CNTNAP4: variants seen among roughly 807,000 people sequenced by gnomAD.
The protein encoded by CNTNAP4 is contactin associated protein family member 4.
Under a neutral mutation model 148.4 loss-of-function variants are expected in CNTNAP4, and 98 were observed. The observed-to-expected ratio is 0.66, with a 90% CI of 0.56 to 0.78. CNTNAP4 has a LOEUF of 0.78. Ranked by LOEUF, CNTNAP4 falls within the 30% of genes least tolerant of loss-of-function variation. CNTNAP4 has a pLI of 0.00. For missense variants in CNTNAP4, 1,935 were observed against 1,565.6 expected, an observed-to-expected ratio of 1.24 and a Z score of -3.98; for synonymous variants, 730 against 565.1, an observed-to-expected ratio of 1.29 and a Z score of -4.14.
chr16:76,518,112 A>G (rs556139064), intron 15 of CNTNAP4, among the ~76,000 whole-genome samples: 1 of 152,080 alleles, frequency 6.6e-6, no homozygotes, highest in Admixed American at 6.5e-5. Flanking sequence ...TAGGGTTTCT[A>G]GAAAATTATT....
chr16:76,366,576 C>G (rs1597334139), intron 3 of CNTNAP4, among the ~76,000 whole-genome samples: 1 of 152,126 alleles, frequency 6.6e-6, no homozygotes, highest in Admixed American at 6.5e-5. Flanking sequence ...GCTATTGTGA[C>G]TAGTGCTGCA....
chr16:76,471,092 GCAAACACACA>G (rs1002668100), intron 10 of CNTNAP4, among the ~76,000 whole-genome samples: 7 of 151,734 alleles, frequency 4.6e-5, no homozygotes, highest in African/African-American at 1.7e-4. Flanking sequence ...CACTCCCTAC[GCAAACACACA>G]CAAACACACA....
At chr16:76,290,666 A>C (rs1040812126) in intron 1 of CNTNAP4, among the ~76,000 whole-genome samples, 1 of 152,194 alleles carries the variant, frequency 6.6e-6, no homozygotes, top group Non-Finnish European at 1.5e-5. Context: ...GCAAGATTGC[A>C]GCACTGCCTG....
At position 76,510,433 on chromosome 16, in the gene CNTNAP4, A is replaced by T. The variant is rs544641487; in HGVS notation, c.2366-10707A>T. On this transcript the variant is annotated intron_variant, in intron 15 of 23. Coordinates refer to ENST00000611870, the MANE Select transcript of CNTNAP4 (RefSeq NM_033401.5). ...CATTTGGGCTGGATCCACTTTTTGG[A>T]TATTATGATAAGGCTTCTGTGGACA... is the stretch of plus-strand genomic sequence containing the variant. 2.6e-5 allele frequency among the ~76,000 whole-genome samples: 4 copies of T among 151,456 alleles called. No individual in the cohort carries two copies. In the East Asian group the frequency reaches 7.8e-4, roughly 30 times the overall value.
At chr16:76,546,403 G>A (rs2084735952) in intron 21 of CNTNAP4, among the ~76,000 whole-genome samples, 1 of 152,174 alleles carries the variant, frequency 6.6e-6, no homozygotes, top group African/African-American at 2.4e-5. Flanking sequence ...CCTCCTGTCA[G>A]ATCAGCCACA....
chr16:76,537,805 T>C (rs1597101290), intron 18 of CNTNAP4, among the ~76,000 whole-genome samples: 2 of 152,174 alleles, frequency 1.3e-5, no homozygotes, highest in South Asian at 4.1e-4. Context: ...GGAGTTAAAA[T>C]TTAAATAAAA....
intron 3 of CNTNAP4, among the ~76,000 whole-genome samples, chr16:76,423,664 T>C (rs1444311108): frequency 6.6e-6 from 1 of 152,178 alleles, no homozygotes; most frequent in African/African-American, 2.4e-5. Context: ...TATAGCATCA[T>C]ATGCATCATT....
At chr16:76,420,279 A>ATATTAGAATAATGTATTTTCTGTAG (rs1324649016) in intron 3 of CNTNAP4, among the ~76,000 whole-genome samples, 1 of 150,216 alleles carries the variant, frequency 6.7e-6, no homozygotes, top group Admixed American at 6.6e-5. Context: ...TATAGGAGAT[A>ATATTAGAATAATGTATTTTCTGTAG]AATATTAATT....
At chr16:76,378,404 C>G (rs1454239634) in intron 3 of CNTNAP4, among the ~76,000 whole-genome samples, 1 of 152,138 alleles carries the variant, frequency 6.6e-6, no homozygotes. Flanking sequence ...TTTGTAGTAG[C>G]TAATACGGAA....
intron 17 of CNTNAP4, among the ~76,000 whole-genome samples, chr16:76,524,854 G>T (rs956841425): frequency 3.9e-5 from 6 of 152,042 alleles, no homozygotes; most frequent in Non-Finnish European, 5.9e-5. Flanking sequence ...GTGAAAAAAG[G>T]TGACATATAC....
chr16:76,522,338 G>A (rs2083489626), intron 17 of CNTNAP4, 81 bp downstream of exon 17: 2 of 1,128,356 alleles, frequency 1.8e-6, no homozygotes, highest in Non-Finnish European at 2.6e-6. Flanking sequence ...ACCAACTATA[G>A]AAACAAGGAT....
In CNTNAP4 at chr16:76,449,160, T is replaced by C. The variant is rs374462164; in HGVS notation, c.927+209T>C. Among the ~76,000 whole-genome samples the C allele has an allele frequency of 1.8e-4, 28 of 152,268 alleles. No homozygotes were observed. In the South Asian group the frequency reaches 5.2e-3, roughly 28 times the overall value. ...CTCACAGTATGTAAATTTATTGTTA[T>C]AGAGGGAGATGATCTTTTTTACCTA... On this transcript the variant is annotated intron_variant, in intron 6 of 23. Coordinates refer to ENST00000611870, the MANE Select transcript of CNTNAP4 (RefSeq NM_033401.5).
At chr16:76,366,029 G>A (rs2014081023) in intron 3 of CNTNAP4, among the ~76,000 whole-genome samples, 1 of 151,906 alleles carries the variant, frequency 6.6e-6, no homozygotes, top group South Asian at 2.1e-4. Context: ...ATCCTGATAT[G>A]CTTTTTTGTT....
At chr16:76,331,663 A>G (rs1963538006) in intron 2 of CNTNAP4, among the ~76,000 whole-genome samples, 1 of 152,190 alleles carries the variant, frequency 6.6e-6, no homozygotes, top group Non-Finnish European at 1.5e-5. Context: ...TTCACAAATT[A>G]TATCCTTATG....
At chr16:76,485,305 T>C (rs931997295) in intron 12 of CNTNAP4, among the ~76,000 whole-genome samples, 1 of 151,792 alleles carries the variant, frequency 6.6e-6, no homozygotes, top group Non-Finnish European at 1.5e-5. Context: ...TTCGTAGAGA[T>C]GGGGTTTCTC....
chr16:76,431,832 T>C (rs2145079863), intron 4 of CNTNAP4, among the ~76,000 whole-genome samples: 1 of 152,186 alleles, frequency 6.6e-6, no homozygotes, highest in East Asian at 1.9e-4. Flanking sequence ...TTTGAACAAC[T>C]GTCTGGAAGG....
intron 17 of CNTNAP4, among the ~76,000 whole-genome samples, chr16:76,531,032 A>C (rs1304287545): frequency 6.6e-6 from 1 of 152,146 alleles, no homozygotes; most frequent in East Asian, 1.9e-4. Flanking sequence ...TTTCTTTGCC[A>C]TAGTGTCAAA....
At chr16:76,349,345 T>C (rs143382051) in intron 2 of CNTNAP4, among the ~76,000 whole-genome samples, 1 of 152,224 alleles carries the variant, frequency 6.6e-6, no homozygotes, top group East Asian at 1.9e-4. Flanking sequence ...AAACAATCAC[T>C]GTGGTCAAAG....
rs2080159993 is a variant in CNTNAP4 at position 76,444,417 on chromosome 16, TTTA to T, written c.539-3592_539-3590del. Among the ~76,000 whole-genome samples the T allele has an allele frequency of 1.6e-4, 4 of 25,478 alleles. No homozygotes were observed. In the Admixed American group the frequency reaches 1.7e-3, roughly 11 times the overall value. 16.7% of individuals were successfully genotyped at this position (25,478 alleles called of 152,430 possible). ...AGAAGATGTGAAGTTATTTCTTTGCTTTATTTATTTCCACTTTTTTTTCTAATT... is the reference window on the plus strand; with the variant it reads ...AGAAGATGTGAAGTTATTTCTTTGCTTTTATTTCCACTTTTTTTTCTAATT... On this transcript the variant is annotated intron_variant, in intron 4 of 23. Transcript: ENST00000611870.
Sources: gnomAD v4.1 joint callset for allele counts (sites outside exome capture counted in the v4.1 genomes callset) on GRCh38, gnomAD v4.1.1 for gene constraint, MANE v1.5 for transcripts, NCBI Gene and HGNC (gene_info 2026-07-23, HGNC 2026-07-21) for gene names.